Variants in LEMD1 observed in about 807,000 individuals in gnomAD.
LEMD1 encodes the protein LEM domain-containing protein 1.
A neutral mutation model predicts 17.4 loss-of-function variants in LEMD1; 18 were observed. The ratio of observed to expected loss-of-function variants is 1.04; its 90% confidence interval spans 0.72 to 1.54. LEMD1 has a LOEUF of 1.54. LEMD1 is among the 40% of genes most tolerant of loss of function. The pLI, the probability that LEMD1 is intolerant of heterozygous loss-of-function variation, is 0.00. For synonymous variants in LEMD1, 88 were observed against 77.8 expected, an observed-to-expected ratio of 1.13 and a Z score of -0.69; for missense variants, 195 against 210.4, an observed-to-expected ratio of 0.93 and a Z score of 0.45.
intron 1 of LEMD1, among the ~76,000 whole-genome samples, chr1:205,444,031 G>A (rs1666340796): frequency 6.6e-6 from 1 of 152,124 alleles, no homozygotes; most frequent in African/African-American, 2.4e-5. Context: ...CCTGAAGTCA[G>A]GTCCCCTTGC....
At chr1:205,447,260 C>T (rs2102474300) in intron 1 of LEMD1, among the ~76,000 whole-genome samples, 1 of 152,342 alleles carries the variant, frequency 6.6e-6, no homozygotes, top group East Asian at 1.9e-4. Flanking sequence ...GTTAAATAGG[C>T]TAACAGTAGA....
intron 4 of LEMD1, among the ~76,000 whole-genome samples, chr1:205,397,003 C>T (rs750225111): frequency 4.6e-5 from 7 of 152,168 alleles, no homozygotes; most frequent in Admixed American, 1.3e-4. Context: ...TGGGCAAATT[C>T]CAGCTACCAA....
At chr1:205,432,534 G>T (rs1666139688) in intron 1 of LEMD1, among the ~76,000 whole-genome samples, 1 of 152,270 alleles carries the variant, frequency 6.6e-6, no homozygotes, top group South Asian at 2.1e-4. Context: ...AAGCACTCAT[G>T]AAATTTCAGA....
intron 1 of LEMD1, among the ~76,000 whole-genome samples, chr1:205,438,328 A>G (rs1196898747): frequency 6.6e-6 from 1 of 152,144 alleles, no homozygotes; most frequent in Non-Finnish European, 1.5e-5. Context: ...CAGGGCCCCC[A>G]CCTCAAGGTG....
intron 4 of LEMD1, among the ~76,000 whole-genome samples, chr1:205,406,792 T>C (rs953767441): frequency 2.0e-5 from 3 of 152,208 alleles, no homozygotes; most frequent in African/African-American, 7.2e-5. Flanking sequence ...TCACAGCGTC[T>C]TCTGTGTCGC....
At chr1:205,416,128 A>G (rs1201178014) in intron 4 of LEMD1, 104 bp downstream of exon 4, 9 of 685,548 alleles carry the variant, frequency 1.3e-5, no homozygotes, top group Non-Finnish European at 2.2e-5. Context: ...CCACTATAAC[A>G]GAATGTAGTG....
Position 205,448,186 on chromosome 1 carries a change from C to T in LEMD1, c.-39+1682G>A, listed in dbSNP as rs984621868. 4.6e-6 allele frequency: 2 copies of T among 436,042 alleles called. No homozygotes were observed. Among genetic ancestry groups the T allele is most frequent in the Non-Finnish European group, 9.4e-6 (2 of 213,354 alleles). 27.0% of individuals were successfully genotyped at this position (436,042 alleles called of 1,614,324 possible). A position where few individuals can be genotyped will look rare whatever the true frequency, so the allele number is the denominator to read the frequency against. On this transcript the variant is annotated intron_variant, in intron 1 of 3. Coordinates refer to the LEMD1 transcript ENST00000367154. This position sits in a 1 kb window ranked among gnomAD's most constrained non-coding sequence, Gnocchi z 4.7. ...GGGCCAAGGTCACACGGCTTAGCCCCGATCCCAGGTTACCAGATCCCGTGA... is the reference window on the plus strand; with the variant it reads ...GGGCCAAGGTCACACGGCTTAGCCCTGATCCCAGGTTACCAGATCCCGTGA...
chr1:205,423,395 T>G (rs1339854803), upstream of LEMD1, among the ~76,000 whole-genome samples: 1 of 152,252 alleles, frequency 6.6e-6, no homozygotes, highest in Non-Finnish European at 1.5e-5. Flanking sequence ...CACAAGCATT[T>G]TGTTTACATT....
intron 1 of LEMD1, among the ~76,000 whole-genome samples, chr1:205,440,384 G>T (rs1666272262): frequency 6.6e-6 from 1 of 152,194 alleles, no homozygotes; most frequent in Non-Finnish European, 1.5e-5. Flanking sequence ...ACCTGGCCCA[G>T]GAGGATGCTG....
At chr1:205,424,993 G>T (rs578119815), upstream of LEMD1, among the ~76,000 whole-genome samples, 1 of 152,316 alleles carries the variant, frequency 6.6e-6, no homozygotes, top group South Asian at 2.1e-4. Context: ...GAAGACACAC[G>T]ATTCATGAAT....
intron 1 of LEMD1, among the ~76,000 whole-genome samples, chr1:205,432,520 G>A (rs1666139458): frequency 6.6e-6 from 1 of 152,254 alleles, no homozygotes; most frequent in African/African-American, 2.4e-5. Context: ...AAGTCAAAGA[G>A]AGGAAGCACT....
chr1:205,400,853 C>CA (rs1553393649), intron 4 of LEMD1, among the ~76,000 whole-genome samples: 14 of 99,804 alleles, frequency 1.4e-4, no homozygotes, highest in East Asian at 3.9e-4. Context: ...TCCCCCCCCC[C>CA]ACCCCACAAC....
At chr1:205,423,280 T>C (rs11240481), upstream of LEMD1, among the ~76,000 whole-genome samples, 116,247 of 152,162 alleles carry the variant, frequency 0.76, 45,691 homozygotes, top group East Asian at 1. Flanking sequence ...GTAATGCAAA[T>C]ATTTACCAAC....
chr1:205,448,878 A>C lies in LEMD1; in HGVS notation c.-39+990T>G, dbSNP rs1666448756. ...GGGCAAAGGAGGGTCTGGGTAAAGG[A>C]GGGCAGCGATGAGGACCTACCCTTT... On this transcript the variant is annotated intron_variant, in intron 1 of 3. Transcript: ENST00000367154. This position sits in a 1 kb window ranked among gnomAD's most constrained non-coding sequence, Gnocchi z 4.7. Among the ~76,000 whole-genome samples the C allele has an allele frequency of 6.6e-6, 1 of 152,104 alleles. No individual in the cohort carries two copies. The highest frequency in any genetic ancestry group is 6.5e-5 in the Admixed American group (1 of 15,276).
chr1:205,393,408 G>C (rs1664433373), intron 4 of LEMD1, among the ~76,000 whole-genome samples: 1 of 151,680 alleles, frequency 6.6e-6, no homozygotes, highest in Non-Finnish European at 1.5e-5. Flanking sequence ...GGGCACGGTG[G>C]CTCACACCTG....
intron 4 of LEMD1, among the ~76,000 whole-genome samples, chr1:205,391,613 C>T (rs534226481): frequency 6.6e-6 from 1 of 152,290 alleles, no homozygotes; most frequent in African/African-American, 2.4e-5. Context: ...TCCTGCTCCG[C>T]GCCTGGGTGG....
At chr1:205,429,712 T>G (rs921769802) in intron 1 of LEMD1, among the ~76,000 whole-genome samples, 1 of 152,142 alleles carries the variant, frequency 6.6e-6, no homozygotes, top group African/African-American at 2.4e-5. Context: ...CTTAGCATGC[T>G]TTTTAGCTAT....
At chr1:205,425,482 G>A (rs536230680), upstream of LEMD1, among the ~76,000 whole-genome samples, 1 of 152,286 alleles carries the variant, frequency 6.6e-6, no homozygotes, top group South Asian at 2.1e-4. Context: ...CAGAGCTCGT[G>A]AGCCAGGTCT....
intron 4 of LEMD1, among the ~76,000 whole-genome samples, chr1:205,405,080 T>A (rs1472293561): frequency 6.6e-6 from 1 of 152,238 alleles, no homozygotes; most frequent in East Asian, 1.9e-4. Flanking sequence ...CCGCTGTTAG[T>A]CTGATGGGCT....
Sources: allele counts gnomAD v4.1 joint callset (sites outside exome capture counted in the v4.1 genomes callset), GRCh38; gene constraint gnomAD v4.1.1; non-coding constraint Gnocchi (gnomAD v3.1); transcripts MANE v1.5; gene names NCBI Gene and HGNC (gene_info 2026-07-23, HGNC 2026-07-21).